Variants in PIK3CB observed in about 807,000 individuals in gnomAD.
PIK3CB encodes the protein phosphatidylinositol-4,5-bisphosphate 3-kinase catalytic subunit beta.
PIK3CB carries 39 observed loss-of-function variants against 136.8 expected under a neutral mutation model. That is an observed-to-expected ratio of 0.29 (90% CI 0.22 to 0.37). PIK3CB has a LOEUF of 0.37. Ranked by LOEUF, PIK3CB falls within the 10% of genes least tolerant of loss-of-function variation. PIK3CB has a pLI of 1.00. For missense variants in PIK3CB, 868 were observed against 1,275.4 expected, an observed-to-expected ratio of 0.68 and a Z score of 4.87; for synonymous variants, 428 against 436.6, an observed-to-expected ratio of 0.98 and a Z score of 0.25.
At chr3:138,735,812 A>G (rs1257418984) in intron 6 of PIK3CB, among the ~76,000 whole-genome samples, 2 of 152,192 alleles carry the variant, frequency 1.3e-5, no homozygotes, top group Non-Finnish European at 2.9e-5. Context: ...ATTCAGAACC[A>G]TTAAAAATAC....
chr3:138,748,188 CACA>C, intron 4 of PIK3CB, among the ~76,000 whole-genome samples: 1 of 148,820 alleles, frequency 6.7e-6, no homozygotes, highest in South Asian at 2.1e-4. Context: ...CACACACACA[CACA>C]CACACATCCT....
intron 13 of PIK3CB, among the ~76,000 whole-genome samples, chr3:138,697,901 G>C (rs963199489): frequency 2.4e-4 from 36 of 151,172 alleles, no homozygotes; most frequent in African/African-American, 8.5e-4. Flanking sequence ...TCCAGCTAAT[G>C]TTTGTATTTT....
chr3:138,703,467 C>T (rs879807215), intron 12 of PIK3CB, among the ~76,000 whole-genome samples: 6 of 151,386 alleles, frequency 4.0e-5, no homozygotes, highest in Non-Finnish European at 7.4e-5. Context: ...AAACTGATGA[C>T]GAGAATACTG....
intron 2 of PIK3CB, among the ~76,000 whole-genome samples, chr3:138,781,604 C>T (rs1435305100): frequency 6.6e-6 from 1 of 152,102 alleles, no homozygotes; most frequent in Non-Finnish European, 1.5e-5. Flanking sequence ...AGGTGCCCAC[C>T]ACCACGCCTG....
chr3:138,679,353 G>T (rs1214621422), intron 19 of PIK3CB, among the ~76,000 whole-genome samples: 3 of 151,854 alleles, frequency 2.0e-5, no homozygotes, highest in Admixed American at 6.6e-5. Flanking sequence ...CTGAGCTAGG[G>T]TCTTGCTCTG....
At chr3:138,776,805 C>G (rs1338710725) in intron 2 of PIK3CB, among the ~76,000 whole-genome samples, 3 of 151,820 alleles carry the variant, frequency 2.0e-5, no homozygotes, top group African/African-American at 7.3e-5. Flanking sequence ...CACTTGTGGT[C>G]CCAGCTACTT....
chr3:138,771,529 A>C (rs2045799918), intron 2 of PIK3CB, among the ~76,000 whole-genome samples: 1 of 152,072 alleles, frequency 6.6e-6, no homozygotes, highest in African/African-American at 2.4e-5. Context: ...CTAGAACTTC[A>C]TTTTCTAAAG....
chr3:138,677,997 G>C (rs938795427), intron 19 of PIK3CB, among the ~76,000 whole-genome samples: 3 of 152,130 alleles, frequency 2.0e-5, no homozygotes, highest in Non-Finnish European at 4.4e-5. Context: ...TAAGAGCTGG[G>C]TATGGTGGCA....
At chr3:138,814,632 C>T (rs1052242215) in intron 1 of PIK3CB, among the ~76,000 whole-genome samples, 3 of 152,234 alleles carry the variant, frequency 2.0e-5, no homozygotes, top group African/African-American at 7.2e-5. Context: ...ACCTTCCTTT[C>T]CTCCACTCAA....
At chr3:138,695,739 A>G (rs2044122555) in intron 13 of PIK3CB, among the ~76,000 whole-genome samples, 1 of 151,844 alleles carries the variant, frequency 6.6e-6, no homozygotes, top group Non-Finnish European at 1.5e-5. Context: ...ATTAGCATAT[A>G]TTTATATAAA....
intron 8 of PIK3CB, among the ~76,000 whole-genome samples, chr3:138,719,768 G>C (rs914422143): frequency 3.9e-5 from 6 of 152,054 alleles, no homozygotes; most frequent in Non-Finnish European, 8.8e-5. Flanking sequence ...CAAGGCTGAA[G>C]AAATAATCAA....
chr3:138,684,435 A>G (rs1024607905), intron 17 of PIK3CB, among the ~76,000 whole-genome samples, 190 bp downstream of exon 17: 6 of 152,232 alleles, frequency 3.9e-5, no homozygotes, highest in African/African-American at 1.4e-4. Flanking sequence ...CACTAAATCC[A>G]CTGGTAAGTT....
chr3:138,732,308 A>T (rs1250883508), intron 8 of PIK3CB, among the ~76,000 whole-genome samples: 2 of 152,072 alleles, frequency 1.3e-5, no homozygotes, highest in Non-Finnish European at 2.9e-5. Context: ...TGTACCTTCA[A>T]ATTATTTCTC....
At chr3:138,731,875 G>A (rs996525164) in intron 8 of PIK3CB, among the ~76,000 whole-genome samples, 3 of 151,632 alleles carry the variant, frequency 2.0e-5, no homozygotes, top group African/African-American at 7.3e-5. Flanking sequence ...CCCAGTTACT[G>A]GGGAGGCTAA....
chr3:138,757,729 A>ACAGG (rs1458870789), intron 3 of PIK3CB, among the ~76,000 whole-genome samples: 1 of 135,470 alleles, frequency 7.4e-6, no homozygotes, highest in African/African-American at 2.8e-5. Flanking sequence ...AGGGAGGAAG[A>ACAGG]GAGGGAGGGA....
intron 1 of PIK3CB, among the ~76,000 whole-genome samples, chr3:138,809,288 T>C (rs974614324): frequency 6.9e-6 from 1 of 144,654 alleles, no homozygotes; most frequent in Admixed American, 7.0e-5. Flanking sequence ...AAAAAAAAAC[T>C]TACAACTTCT....
In PIK3CB at chr3:138,688,942, T is replaced by G. The variant is rs2043951979; in HGVS notation, c.2069A>C (p.Gln690Pro). 6.2e-7 allele frequency: 1 copy of G among 1,613,684 alleles called. No individual in the cohort carries two copies. Among genetic ancestry groups the G allele is most frequent in the South Asian group, 1.1e-5 (1 of 91,076 alleles). The change falls in exon 16 of 24, where the codon CAA becomes CCA. Residue 690 changes from glutamine (Q) to proline (P), a missense_variant. Gln to Pro is a moderately conservative substitution (Grantham distance 76, BLOSUM62 -1). Coordinates refer to ENST00000674063, the MANE Select transcript of PIK3CB (RefSeq NM_006219.3). ...GTATGCTTCAAGGATGACACCAAAT[T>G]GTACTGAGACAGCAGGAATGTGCAC... is the stretch of plus-strand genomic sequence containing the variant. ...SEVHIPAVSV[Q>P]FGVILEAYCR... is the part of the protein sequence containing the mutation.
chr3:138,798,683 T>G (rs1344393169), intron 1 of PIK3CB, among the ~76,000 whole-genome samples: 1 of 152,084 alleles, frequency 6.6e-6, no homozygotes, highest in East Asian at 1.9e-4. Flanking sequence ...ACATATAGAT[T>G]AGTAAATGAA....
intron 4 of PIK3CB, among the ~76,000 whole-genome samples, chr3:138,750,762 G>A (rs2045455486): frequency 6.6e-6 from 1 of 152,116 alleles, no homozygotes; most frequent in Admixed American, 6.6e-5. Flanking sequence ...TGTTTACTTT[G>A]AGTTCAACTT....
Sources: gnomAD v4.1 joint callset for allele counts (sites outside exome capture counted in the v4.1 genomes callset) on GRCh38, gnomAD v4.1.1 for gene constraint, MANE v1.5 for transcripts, NCBI Gene and HGNC (gene_info 2026-07-23, HGNC 2026-07-21) for gene names.